ITGA9: variants seen among roughly 807,000 people sequenced by gnomAD.
ITGA9 encodes integrin alpha-9.
In ITGA9, 56 loss-of-function variants were observed where a neutral mutation model predicts 127.8. That is an observed-to-expected ratio of 0.44 (90% CI 0.35 to 0.55). ITGA9 has a LOEUF of 0.55. Ranked by LOEUF, ITGA9 falls within the 20% of genes least tolerant of loss-of-function variation. The probability of loss-of-function intolerance (pLI) is 0.00; values close to 1 mark genes in which losing one functional copy is unlikely to be tolerated. For missense variants in ITGA9, 1,196 were observed against 1,347.1 expected (o/e 0.89, Z 1.76); for synonymous variants, 508 against 514.5 (o/e 0.99, Z 0.17).
chr3:37,511,068 T>C (rs1698899941), intron 8 of ITGA9, among the ~76,000 whole-genome samples: 1 of 152,216 alleles, frequency 6.6e-6, no homozygotes, highest in Non-Finnish European at 1.5e-5. Flanking sequence ...CAGAGTCACA[T>C]AGACAGGAGG....
At chr3:37,524,955 A>G (rs1699079211) in intron 12 of ITGA9, among the ~76,000 whole-genome samples, 1 of 152,258 alleles carries the variant, frequency 6.6e-6, no homozygotes, top group African/African-American at 2.4e-5. Context: ...AATTGATACA[A>G]CACCCAAGTG....
At chr3:37,453,601 G>A (rs754782492) in intron 1 of ITGA9, among the ~76,000 whole-genome samples, 7 of 152,220 alleles carry the variant, frequency 4.6e-5, no homozygotes, top group Non-Finnish European at 1.0e-4. Flanking sequence ...GGGCCCAGGT[G>A]ACAGCCAGGC....
intron 15 of ITGA9, among the ~76,000 whole-genome samples, chr3:37,574,789 G>A (rs534230037): frequency 6.6e-6 from 1 of 152,264 alleles, no homozygotes; most frequent in East Asian, 1.9e-4. Flanking sequence ...GGGTGGGGCT[G>A]TGCTCAGCCC....
intron 16 of ITGA9, among the ~76,000 whole-genome samples, chr3:37,641,761 C>G (rs1700336310): frequency 6.6e-6 from 1 of 152,180 alleles, no homozygotes; most frequent in Non-Finnish European, 1.5e-5. Flanking sequence ...TGCATTCCCA[C>G]CACCCTCAAA....
chr3:37,582,854 T>C (rs1362320256), intron 15 of ITGA9, among the ~76,000 whole-genome samples: 3 of 152,212 alleles, frequency 2.0e-5, no homozygotes, highest in Non-Finnish European at 2.9e-5. Context: ...GCCTAAGCAA[T>C]CCTCAAGCCT....
chr3:37,685,184 C>T (rs921984371), intron 18 of ITGA9, among the ~76,000 whole-genome samples: 14 of 152,282 alleles, frequency 9.2e-5, no homozygotes, highest in African/African-American at 2.6e-4. Context: ...AGCAGGTCAA[C>T]GGCGTTTGTT....
intron 1 of ITGA9, among the ~76,000 whole-genome samples, chr3:37,468,765 C>G (rs1018801338): frequency 1.3e-5 from 2 of 152,228 alleles, no homozygotes; most frequent in African/African-American, 4.8e-5. Context: ...ATGTAATGCA[C>G]TCTATTCCAA....
intron 18 of ITGA9, among the ~76,000 whole-genome samples, chr3:37,710,720 C>G (rs1294030810): frequency 6.6e-6 from 1 of 152,116 alleles, no homozygotes; most frequent in African/African-American, 2.4e-5. Context: ...CGGGACTGCC[C>G]CAGGCAGTTA....
At chr3:37,569,517 A>G (rs539654336) in intron 15 of ITGA9, among the ~76,000 whole-genome samples, 5 of 152,358 alleles carry the variant, frequency 3.3e-5, no homozygotes, top group African/African-American at 7.2e-5. Flanking sequence ...TTGGTATGAA[A>G]GACTGTAGGT....
chr3:37,715,967 A>C (rs570691107), intron 18 of ITGA9, among the ~76,000 whole-genome samples: 1 of 152,334 alleles, frequency 6.6e-6, no homozygotes, highest in Non-Finnish European at 1.5e-5. Flanking sequence ...TGGGAAGTAG[A>C]GCTTCAAAGG....
intron 20 of ITGA9, among the ~76,000 whole-genome samples, chr3:37,737,597 C>G (rs1306215707): frequency 6.6e-6 from 1 of 152,190 alleles, no homozygotes; most frequent in Non-Finnish European, 1.5e-5. Context: ...TGGGGAGTTA[C>G]AAGATGCCTT....
chr3:37,539,859 G>A (rs1006798310), intron 14 of ITGA9, among the ~76,000 whole-genome samples: 4 of 152,034 alleles, frequency 2.6e-5, no homozygotes, highest in South Asian at 2.1e-4. Context: ...AGTGTAGACC[G>A]TGCCCCAGAA....
chr3:37,612,059 A>G (rs1156750609), intron 15 of ITGA9, among the ~76,000 whole-genome samples: 1 of 152,108 alleles, frequency 6.6e-6, no homozygotes. Flanking sequence ...TGGATGATAT[A>G]TTTTTAACTG....
At chr3:37,555,202 C>T (rs567850174) in intron 15 of ITGA9, among the ~76,000 whole-genome samples, 1 of 152,178 alleles carries the variant, frequency 6.6e-6, no homozygotes, top group African/African-American at 2.4e-5. Flanking sequence ...TAAAGAGCCT[C>T]CAGTGACTTC....
chr3:37,684,065 T>A, intron 18 of ITGA9, 50 bp downstream of exon 18: 1 of 1,504,250 alleles, frequency 6.6e-7, no homozygotes, highest in Non-Finnish European at 9.2e-7. Context: ...CTGGTGCGCT[T>A]GCTGACTTTC....
intron 23 of ITGA9, among the ~76,000 whole-genome samples, chr3:37,761,716 TAGG>T (rs1696725261): frequency 1.3e-5 from 2 of 152,270 alleles, no homozygotes; most frequent in South Asian, 2.1e-4. Flanking sequence ...CACTGTGAAA[TAGG>T]AGTTCAGCAG....
At chr3:37,541,501 C>T (rs906293875) in intron 14 of ITGA9, among the ~76,000 whole-genome samples, 1 of 152,204 alleles carries the variant, frequency 6.6e-6, no homozygotes, top group South Asian at 2.1e-4. Flanking sequence ...GAGGTAGATC[C>T]TTCCAGGTTT....
intron 14 of ITGA9, among the ~76,000 whole-genome samples, chr3:37,540,790 G>A (rs1575143472): frequency 6.6e-6 from 1 of 152,230 alleles, no homozygotes; most frequent in South Asian, 2.1e-4. Context: ...ACAGGTGCCA[G>A]TGTTTTCTGT....
chr3:37,465,406 T>C (rs1246074248), intron 1 of ITGA9, among the ~76,000 whole-genome samples: 2 of 151,576 alleles, frequency 1.3e-5, no homozygotes, highest in African/African-American at 4.9e-5. Context: ...CAGGAGGGGG[T>C]TTGGAGAGGC....
Sources: allele counts gnomAD v4.1 joint callset (sites outside exome capture counted in the v4.1 genomes callset), GRCh38; gene constraint gnomAD v4.1.1; transcripts MANE v1.5; gene names NCBI Gene and HGNC (gene_info 2026-07-23, HGNC 2026-07-21).